PLS1: variants seen among roughly 807,000 people sequenced by gnomAD.
The protein encoded by PLS1 is plastin 1.
PLS1 carries 32 observed loss-of-function variants against 73.7 expected under a neutral mutation model. The ratio of observed to expected loss-of-function variants is 0.43; its 90% CI spans 0.33 to 0.58. PLS1 has a LOEUF of 0.58. Among genes scored for constraint, PLS1 ranks in the 20% least tolerant of loss-of-function variants. The probability of loss-of-function intolerance (pLI) is 0.04; values close to 1 mark genes in which losing one functional copy is unlikely to be tolerated. For missense variants in PLS1, 633 were observed against 740.5 expected (o/e 0.85, Z 1.68); for synonymous variants, 217 against 261.3 (o/e 0.83, Z 1.63).
At chr3:142,602,119 T>TC (rs2035938246) in intron 1 of PLS1, among the ~76,000 whole-genome samples, 1 of 151,754 alleles carries the variant, frequency 6.6e-6, no homozygotes. Context: ...TTTTTTTTTT[T>TC]TTCATTCCAC....
chr3:142,672,006 A>G (rs931490283), intron 4 of PLS1, among the ~76,000 whole-genome samples: 5 of 152,188 alleles, frequency 3.3e-5, no homozygotes, highest in Non-Finnish European at 4.4e-5. Context: ...TTTGAAAGGT[A>G]TTCACCCCTT....
intron 1 of PLS1, among the ~76,000 whole-genome samples, chr3:142,644,025 A>C (rs1278123924): frequency 2.0e-5 from 3 of 151,598 alleles, no homozygotes; most frequent in African/African-American, 7.3e-5. Context: ...ATGGGATTTC[A>C]CCATGTTGGC....
At chr3:142,676,574 CG>C (rs2107862647) in intron 5 of PLS1, among the ~76,000 whole-genome samples, 1 of 152,176 alleles carries the variant, frequency 6.6e-6, no homozygotes, top group East Asian at 1.9e-4. Flanking sequence ...TTTAAATATT[CG>C]CAGGGTTTCT....
intron 6 of PLS1, among the ~76,000 whole-genome samples, chr3:142,680,148 C>T (rs2037818307): frequency 6.6e-6 from 1 of 152,212 alleles, no homozygotes; most frequent in South Asian, 2.1e-4. Context: ...ACTGTAACCT[C>T]AAACTCCTGG....
At chr3:142,623,359 T>C (rs1428950482) in intron 1 of PLS1, 1 of 152,232 alleles carries the variant, frequency 6.6e-6, no homozygotes, top group African/African-American at 2.4e-5. Context: ...ATGTTGCAGA[T>C]TGGCCTTTCT....
intron 1 of PLS1, among the ~76,000 whole-genome samples, chr3:142,663,661 A>T (rs2037419585): frequency 6.6e-6 from 1 of 152,166 alleles, no homozygotes; most frequent in African/African-American, 2.4e-5. Context: ...ATCATGCCAT[A>T]AAAAAGAAGA....
At chr3:142,601,709 G>A (rs2108533460) in intron 1 of PLS1, among the ~76,000 whole-genome samples, 1 of 152,004 alleles carries the variant, frequency 6.6e-6, no homozygotes, top group South Asian at 2.1e-4. Flanking sequence ...TAGTGATAAG[G>A]TCTTGCTATG....
intron 1 of PLS1, among the ~76,000 whole-genome samples, chr3:142,621,471 A>G (rs2036312561): frequency 6.6e-6 from 1 of 152,236 alleles, no homozygotes; most frequent in South Asian, 2.1e-4. Context: ...TAAATAAATC[A>G]TGGTATAGTC....
In PLS1 at chr3:142,697,657, G is replaced by T. The variant is rs113785762; in HGVS notation, c.1257-296G>T. Among the ~76,000 whole-genome samples, 43 of 152,288 alleles carry T rather than the reference G, an allele frequency of 2.8e-4. 1 individual carries two copies. The South Asian group carries it at 8.7e-3, about 31-fold the overall frequency. ...CCTTATGTCCAATGGTGGCCAAGGA[G>T]TTTATAGTATAGTTTACTTAACAGC... On this transcript the variant is annotated intron_variant, in intron 11 of 15. Coordinates refer to ENST00000457734, the MANE Select transcript of PLS1 (RefSeq NM_001145319.2).
chr3:142,711,511 T>C lies in PLS1; in HGVS notation c.1640T>C (p.Ile547Thr). 2 of 1,584,732 alleles carry C rather than the reference T, an allele frequency of 1.3e-6. No homozygotes were observed. Among genetic ancestry groups the C allele is most frequent in the Non-Finnish European group, 1.7e-6 (2 of 1,155,882 alleles). ...TGCTTTATTTTCTAGGATAAATCTATAAGCACAAGTTTACCTGTCCTAGAT... is the reference window on the plus strand; with the variant it reads ...TGCTTTATTTTCTAGGATAAATCTACAAGCACAAGTTTACCTGTCCTAGAT... ...TSISSFKDKS[I>T]STSLPVLDLI... The change falls in exon 15 of 16, where the codon ATA (isoleucine) becomes ACA (threonine). Residue 547 changes from isoleucine to threonine, a missense_variant. Transcript: ENST00000457734.
intron 2 of PLS1, among the ~76,000 whole-genome samples, chr3:142,667,494 C>T (rs531886480): frequency 2.0e-5 from 3 of 151,528 alleles, no homozygotes; most frequent in East Asian, 1.9e-4. Context: ...GACTCTGTCT[C>T]GAAGAAAAAA....
Position 142,693,602 on chromosome 3 carries a change from T to G in PLS1, c.1178-867T>G, listed in dbSNP as rs141336658. ...AGAACAAATAATCATGATAGTTACT[T>G]AGAACTATTTGCAGTCAGGAGATGA... On this transcript the variant is annotated intron_variant, in intron 10 of 15. Coordinates refer to ENST00000457734, the MANE Select transcript of PLS1 (RefSeq NM_001145319.2). Among the ~76,000 whole-genome samples the G allele has an allele frequency of 7.6e-4, 116 of 152,252 alleles. 1 individual carries two copies. Among genetic ancestry groups the G allele is most frequent in the Middle Eastern group, 6.8e-3 (2 of 294 alleles).
intron 2 of PLS1, among the ~76,000 whole-genome samples, chr3:142,665,399 C>T (rs1455800910): frequency 1.3e-5 from 2 of 151,398 alleles, no homozygotes. Flanking sequence ...TCTCTGGGCT[C>T]TTCCATTTCT....
At chr3:142,700,573 T>C (rs562737935) in intron 12 of PLS1, among the ~76,000 whole-genome samples, 61 of 152,308 alleles carry the variant, frequency 4.0e-4, no homozygotes, top group Middle Eastern at 3.4e-3. Flanking sequence ...CCACCCGCCT[T>C]GGCCTCCGAA....
At chr3:142,650,211 C>CTTTTTTTTTTTTT (rs1171297517) in intron 1 of PLS1, among the ~76,000 whole-genome samples, 7 of 70,910 alleles carry the variant, frequency 9.9e-5, no homozygotes, top group African/African-American at 2.9e-4. Flanking sequence ...GCTTCTTCTT[C>CTTTTTTTTTTTTT]TTTTTTTTTT....
rs1262484393 is a variant in PLS1, at chr3:142,712,718, GAT to G, written c.*714_*715del. 1.3e-5 allele frequency: 2 copies of G among 152,514 alleles called. No individual in the cohort carries two copies. Among genetic ancestry groups the G allele is most frequent in the African/African-American group, 2.4e-5 (1 of 41,432 alleles). The allele number at this position is 152,514 out of a possible 1,614,324, so 9.4% of individuals were successfully genotyped here. A position where few individuals can be genotyped will look rare whatever the true frequency, so the allele number is the denominator to read the frequency against. On this transcript the variant is annotated 3_prime_UTR_variant, in exon 16 of 16. Transcript: ENST00000457734. ...TATGTTGGTAGGATGTTATTAGAGAGATATGTGTGCATATATATTTTTTTGCA... is the reference window on the plus strand; with the variant it reads ...TATGTTGGTAGGATGTTATTAGAGAGATGTGTGCATATATATTTTTTTGCA...
chr3:142,644,806 G>A (rs1186576846), intron 1 of PLS1, among the ~76,000 whole-genome samples: 1 of 152,212 alleles, frequency 6.6e-6, no homozygotes, highest in African/African-American at 2.4e-5. Context: ...GCTTTGGAAA[G>A]TATAAAATGC....
chr3:142,673,460 A>G (rs1351654558), intron 4 of PLS1: 7 of 152,134 alleles, frequency 4.6e-5, no homozygotes, highest in Non-Finnish European at 1.0e-4. Flanking sequence ...CTATATGAAC[A>G]CTCATGAATG....
At chr3:142,624,685 T>G (rs919756800) in intron 1 of PLS1, among the ~76,000 whole-genome samples, 24 of 152,380 alleles carry the variant, frequency 1.6e-4, no homozygotes, top group African/African-American at 5.8e-4. Context: ...TAAGACTTGC[T>G]CAGCTTTGTG....
Sources: gnomAD v4.1 joint callset for allele counts (sites outside exome capture counted in the v4.1 genomes callset) on GRCh38, gnomAD v4.1.1 for gene constraint, MANE v1.5 for transcripts, NCBI Gene and HGNC (gene_info 2026-07-23, HGNC 2026-07-21) for gene names.